The following HERPUD2 variants were observed in gnomAD, a reference collection of about 807,000 sequenced individuals.
HERPUD2 encodes homocysteine-responsive endoplasmic reticulum-resident ubiquitin-like domain member 2 protein.
A neutral mutation model predicts 49.9 loss-of-function variants in HERPUD2; 13 were observed. That is an observed-to-expected ratio of 0.26 (90% CI 0.17 to 0.41). HERPUD2 has a LOEUF of 0.41. Among genes scored for constraint, HERPUD2 ranks in the 10% least tolerant of loss-of-function variants. The pLI, the probability that HERPUD2 is intolerant of heterozygous loss-of-function variation, is 1.00. For synonymous variants in HERPUD2, 172 were observed against 171.4 expected (o/e 1.00, Z -0.03); for missense variants, 449 against 492.2 (o/e 0.91, Z 0.83).
intron 6 of HERPUD2, 61 bp downstream of exon 6, chr7:35,638,289 A>G (rs1436075833): frequency 8.2e-6 from 12 of 1,468,962 alleles, no homozygotes; most frequent in Non-Finnish European, 1.1e-5. Flanking sequence ...ACTTAGGATA[A>G]AAAGAAAATA....
At chr7:35,658,048 G>C (rs1401322166) in intron 5 of HERPUD2, among the ~76,000 whole-genome samples, 2 of 152,182 alleles carry the variant, frequency 1.3e-5, no homozygotes, top group African/African-American at 4.8e-5. Flanking sequence ...GTTTACTGCA[G>C]CACTGTTCAG....
At position 35,634,389 on chromosome 7, in the gene HERPUD2, G is replaced by A. The variant is rs1489499344; in HGVS notation, c.982C>T (p.His328Tyr). The A allele has an allele frequency of 2.5e-6, 4 of 1,613,764 alleles. No individual in the cohort carries two copies. The highest frequency in any genetic ancestry group is 2.2e-5 in the East Asian group (1 of 44,850). ...GWFPFRQEGG[H>Y]QQAPNNNAEV... ...GCATTATTGTTGGGAGCCTGCTGAT[G>A]ACCTCCTTCTTGCCTAAAAGGAAAC... The change falls in exon 8 of 9, where the codon CAT (histidine) becomes TAT (tyrosine). Residue 328 changes from histidine to tyrosine, a missense_variant. His to Tyr is a moderately conservative substitution (Grantham distance 83). Coordinates refer to ENST00000311350, the MANE Select transcript of HERPUD2 (RefSeq NM_022373.5).
At chr7:35,689,999 T>C (rs17679143) in intron 2 of HERPUD2, among the ~76,000 whole-genome samples, 11,762 of 152,294 alleles carry the variant, frequency 0.077, 582 homozygotes, top group Non-Finnish European at 0.12. Context: ...TTCTCTAGGA[T>C]GATCCATCTA....
chr7:35,667,395 GCC>G, intron 5 of HERPUD2, 37 bp downstream of exon 5: 2 of 1,574,200 alleles, frequency 1.3e-6, no homozygotes, highest in Non-Finnish European at 1.7e-6. Flanking sequence ...TTTTTAGGGG[GCC>G]CCAATCACAT....
intron 5 of HERPUD2, among the ~76,000 whole-genome samples, chr7:35,644,063 A>G (rs1268749543): frequency 6.6e-6 from 1 of 152,208 alleles, no homozygotes; most frequent in Non-Finnish European, 1.5e-5. Context: ...AATAAAGCAA[A>G]TAAGTAATTA....
chr7:35,691,612 G>A (rs148676866), intron 2 of HERPUD2, among the ~76,000 whole-genome samples: 41 of 152,332 alleles, frequency 2.7e-4, no homozygotes, highest in Non-Finnish European at 5.6e-4. Flanking sequence ...GTAGGCATAT[G>A]TGCAAGGAAG....
In HERPUD2 at chr7:35,667,550, A is replaced by T; in HGVS notation, c.378T>A (p.Gly126=). The change falls in exon 5 of 9, where the codon GGT becomes GGA. Residue 126 remains glycine, a synonymous_variant. Transcript: ENST00000311350. ...DHSGSTTPSS[G]QETLSLAVGS... is the part of the protein sequence containing the mutation. The stretch of plus-strand genomic sequence containing the variant: ...CCACAGCTAAAGACAAGGTTTCTTG[A>T]CCAGATGATGGAGTTGTTGATCCTG... The T allele has an allele frequency of 6.2e-7, 1 of 1,613,762 alleles. No individual in the cohort carries two copies. The highest frequency in any genetic ancestry group is 1.1e-5 in the South Asian group (1 of 91,052).
chr7:35,683,448 G>A (rs1477734357), intron 2 of HERPUD2, among the ~76,000 whole-genome samples: 5 of 152,154 alleles, frequency 3.3e-5, no homozygotes, highest in Non-Finnish European at 7.4e-5. Flanking sequence ...TTAAATCTAA[G>A]ACCTGAAGCT....
At chr7:35,680,749 T>C (rs1785865957) in intron 2 of HERPUD2, among the ~76,000 whole-genome samples, 1 of 152,184 alleles carries the variant, frequency 6.6e-6, no homozygotes, top group Non-Finnish European at 1.5e-5. Context: ...TACAGTAGAG[T>C]ATTCCCTCTC....
chr7:35,684,266 T>C (rs1244239285), intron 2 of HERPUD2, among the ~76,000 whole-genome samples: 1 of 152,008 alleles, frequency 6.6e-6, no homozygotes, highest in Non-Finnish European at 1.5e-5. Context: ...GGCGGGAACC[T>C]GCAGTCCCAG....
chr7:35,684,308 T>C (rs1381881277), intron 2 of HERPUD2, among the ~76,000 whole-genome samples: 1 of 151,590 alleles, frequency 6.6e-6, no homozygotes, highest in African/African-American at 2.4e-5. Context: ...GAGAATGGCG[T>C]GAACCCGGGA....
At chr7:35,638,525 A>T in intron 5 of HERPUD2, 53 bp from the exon 6 acceptor site, 1 of 1,541,020 alleles carries the variant, frequency 6.5e-7, no homozygotes, top group Non-Finnish European at 8.8e-7. Context: ...TAAAAGTATT[A>T]TTCTAAATTT....
At chr7:35,675,327 T>C (rs936844598) in intron 2 of HERPUD2, among the ~76,000 whole-genome samples, 9 of 152,222 alleles carry the variant, frequency 5.9e-5, no homozygotes, top group African/African-American at 2.2e-4. Context: ...TATATCCATA[T>C]AGGCACTGAA....
At chr7:35,670,158 A>G in intron 4 of HERPUD2, 57 bp downstream of exon 4, 1 of 837,094 alleles carries the variant, frequency 1.2e-6, no homozygotes. Flanking sequence ...GCAAAAAATA[A>G]GACGACGACG....
In HERPUD2 at chr7:35,662,490, A is replaced by T. The variant is rs901764808; in HGVS notation, c.494+4944T>A. Reference sequence around the variant, plus strand: ...GTACCTCTGGTAGAATTCAGCTGTGAATCCGTCTGGTCTTGGACTTTTTTT... The same window carrying T: ...GTACCTCTGGTAGAATTCAGCTGTGTATCCGTCTGGTCTTGGACTTTTTTT... On this transcript the variant is annotated intron_variant, in intron 5 of 8. Transcript: ENST00000311350. Among the ~76,000 whole-genome samples, 28 of 152,308 alleles carry T rather than the reference A, an allele frequency of 1.8e-4. 1 individual carries two copies. Among genetic ancestry groups the T allele is most frequent in the Middle Eastern group, 6.8e-3 (2 of 294 alleles).
At chr7:35,682,354 TG>T in intron 2 of HERPUD2, among the ~76,000 whole-genome samples, 1 of 26,186 alleles carries the variant, frequency 3.8e-5, no homozygotes, top group Non-Finnish European at 9.0e-5. Flanking sequence ...TGTGTGTGTG[TG>T]TGTATATATA....
chr7:35,666,491 T>C lies in HERPUD2; in HGVS notation c.494+943A>G, dbSNP rs1242659290. Among the ~76,000 whole-genome samples the C allele has an allele frequency of 2.0e-5, 3 of 152,262 alleles. No homozygotes were observed. The East Asian group carries it at 5.8e-4, about 29-fold the overall frequency. ...CACCTACATTACAATTCTGAGGTCC[T>C]AGCCATATTCTCATTTCTAGCTCCA... On this transcript the variant is annotated intron_variant, in intron 5 of 8. Coordinates refer to ENST00000311350, the MANE Select transcript of HERPUD2 (RefSeq NM_022373.5).
chr7:35,672,874 T>G lies in HERPUD2; in HGVS notation c.225+327A>C, dbSNP rs536545177. The stretch of plus-strand genomic sequence containing the variant: ...CAAAAAGGAGATTAAGAGGAAAGAC[T>G]GTTATCAATGAAAATCCGTCACCAC... On this transcript the variant is annotated intron_variant, in intron 3 of 8. Transcript: ENST00000311350. Among the ~76,000 whole-genome samples, 5 of 152,196 alleles carry G rather than the reference T, an allele frequency of 3.3e-5. No individual in the cohort carries two copies. In the East Asian group the frequency reaches 9.7e-4, roughly 29 times the overall value.
At chr7:35,653,736 T>C (rs569096126) in intron 5 of HERPUD2, among the ~76,000 whole-genome samples, 4 of 152,212 alleles carry the variant, frequency 2.6e-5, no homozygotes, top group South Asian at 2.1e-4. Context: ...GGAATAACAC[T>C]AGAAATCAGT....
Sources: gnomAD v4.1 joint callset for allele counts (sites outside exome capture counted in the v4.1 genomes callset) on GRCh38, gnomAD v4.1.1 for gene constraint, MANE v1.5 for transcripts, NCBI Gene and HGNC (gene_info 2026-07-23, HGNC 2026-07-21) for gene names.